Variants in NMT2 observed in about 807,000 individuals in gnomAD.
NMT2 encodes the protein glycylpeptide N-tetradecanoyltransferase 2.
NMT2 carries 35 observed loss-of-function variants against 65.4 expected under a neutral mutation model. The observed-to-expected ratio is 0.54, with a 90% CI of 0.41 to 0.71. The LOEUF is 0.71. NMT2 is among the 30% of genes least tolerant of loss of function. The pLI is 0.00. For missense variants in NMT2, 489 were observed against 611.3 expected (o/e 0.80, Z 2.11); for synonymous variants, 226 against 231.8 (o/e 0.98, Z 0.23).
intron 1 of NMT2, among the ~76,000 whole-genome samples, chr10:15,150,131 G>A (rs1832751947): frequency 6.6e-6 from 1 of 152,154 alleles, no homozygotes; most frequent in Non-Finnish European, 1.5e-5. Flanking sequence ...AAAAAACAAA[G>A]GTAACCCAGA....
At chr10:15,119,209 T>G (rs775528161) in intron 9 of NMT2, 134 bp downstream of exon 9, 81 of 787,840 alleles carry the variant, frequency 1.0e-4, no homozygotes, top group Non-Finnish European at 1.5e-4. Context: ...TCTTATTAAC[T>G]CTCTACCCTT....
intron 1 of NMT2, among the ~76,000 whole-genome samples, chr10:15,163,792 T>C (rs1238256008): frequency 6.6e-6 from 1 of 152,218 alleles, no homozygotes; most frequent in African/African-American, 2.4e-5. Flanking sequence ...TTGGGGATGG[T>C]AGAAGACAGA....
Position 15,108,955 on chromosome 10 carries a change from G to T in NMT2, c.*240C>A. 7.9e-7 allele frequency: 1 copy of T among 1,271,264 alleles called. No homozygotes were observed. Among genetic ancestry groups the T allele is most frequent in the Non-Finnish European group, 9.9e-7 (1 of 1,010,256 alleles). The allele number at this position is 1,271,264 out of a possible 1,614,324, so 78.7% of individuals were successfully genotyped here. A position where few individuals can be genotyped will look rare whatever the true frequency, so the allele number is the denominator to read the frequency against. On this transcript the variant is annotated 3_prime_UTR_variant, in exon 12 of 12. Transcript: ENST00000378165. ...GCAAAAATTTGAAAATTACAAGAAT[G>T]TGCTCTTTGTAGCCTTTCATCCCTC...
At chr10:15,139,883 AT>A (rs1846675411) in intron 2 of NMT2, 1 of 73,302 alleles carries the variant, frequency 1.4e-5, no homozygotes, top group Admixed American at 1.2e-4. Flanking sequence ...ATATATATAT[AT>A]ATATATATAT....
chr10:15,127,817 C>T (rs1018779977), intron 8 of NMT2, among the ~76,000 whole-genome samples: 8 of 149,920 alleles, frequency 5.3e-5, no homozygotes, highest in Non-Finnish European at 7.4e-5. Flanking sequence ...GTGGGAGAAT[C>T]GCTTGAACCC....
intron 1 of NMT2, among the ~76,000 whole-genome samples, chr10:15,145,742 G>A (rs919344193): frequency 7.2e-5 from 11 of 152,158 alleles, no homozygotes; most frequent in Non-Finnish European, 1.6e-4. Flanking sequence ...TGAAACAGAA[G>A]TGTTGACAGG....
Position 15,119,363 on chromosome 10 carries a change from T to A in NMT2, c.1150A>T (p.Ile384Phe). ...AHWFLPREHI[I>F]DTFVVESPNG... ...TTTACCTCCACTACAAACGTGTCAATAATGTGCTCCCGGGGGAGGAACCAG... is the reference window on the plus strand; with the variant it reads ...TTTACCTCCACTACAAACGTGTCAAAAATGTGCTCCCGGGGGAGGAACCAG... The change falls in exon 9 of 12, where the codon ATT becomes TTT. Residue 384 changes from isoleucine to phenylalanine, a missense_variant. Physicochemically the swap from Ile to Phe is conservative, Grantham distance 21. Transcript: ENST00000378165. The A allele has an allele frequency of 6.2e-7, 1 of 1,614,196 alleles. No homozygotes were observed. The highest frequency in any genetic ancestry group is 8.5e-7 in the Non-Finnish European group (1 of 1,180,030).
chr10:15,127,558 AAAAAAAAAAAAATAAATAAAT>A (rs2131528310), intron 8 of NMT2, among the ~76,000 whole-genome samples: 1 of 95,568 alleles, frequency 1.0e-5, no homozygotes, highest in South Asian at 2.5e-4. Flanking sequence ...AAAAAAAAAA[AAAAAAAAAAAAATAAATAAAT>A]AAATAAATAA....
rs530374029 is a variant in NMT2, at chr10:15,140,336, C to T, written c.246+1086G>A. 4.6e-5 allele frequency among the ~76,000 whole-genome samples: 7 copies of T among 152,138 alleles called. No individual in the cohort carries two copies. In the East Asian group the frequency reaches 1.4e-3, roughly 30 times the overall value. On this transcript the variant is annotated intron_variant, in intron 2 of 11. Coordinates refer to ENST00000378165, the MANE Select transcript of NMT2 (RefSeq NM_004808.3). ...ACAGGGTTTTGCCATGTTGCCCAGG[C>T]TGGTCTTGAACTCCTGGGCTCAAGG... is the stretch of plus-strand genomic sequence containing the variant.
At chr10:15,118,365 C>T (rs1845813655) in intron 9 of NMT2, among the ~76,000 whole-genome samples, 1 of 152,064 alleles carries the variant, frequency 6.6e-6, no homozygotes, top group African/African-American at 2.4e-5. Flanking sequence ...ATGGTGAAAC[C>T]CCGACTCTAC....
At chr10:15,111,870 A>T (rs1326891607) in intron 10 of NMT2, 1 of 151,378 alleles carries the variant, frequency 6.6e-6, no homozygotes, top group Non-Finnish European at 1.5e-5. Flanking sequence ...CTGGAATGCA[A>T]TGGTGCAATC....
intron 6 of NMT2, among the ~76,000 whole-genome samples, chr10:15,130,703 C>CAAAAA (rs974360507): frequency 5.3e-3 from 137 of 26,008 alleles, no homozygotes; most frequent in Non-Finnish European, 6.6e-3. Context: ...GGCCCTGTCT[C>CAAAAA]AAAAAAAAAA....
intron 1 of NMT2, among the ~76,000 whole-genome samples, chr10:15,153,658 A>AT (rs1313853440): frequency 2.3e-3 from 348 of 149,002 alleles, no homozygotes; most frequent in African/African-American, 7.8e-3. Context: ...ATTTTATTTT[A>AT]TTTTTTTTTT....
At chr10:15,129,772 G>A (rs927128483) in intron 7 of NMT2, among the ~76,000 whole-genome samples, 1 of 152,080 alleles carries the variant, frequency 6.6e-6, no homozygotes, top group African/African-American at 2.4e-5. Context: ...AGCTGTGTGT[G>A]GTGGCACATG....
intron 10 of NMT2, among the ~76,000 whole-genome samples, chr10:15,110,646 C>CAAA (rs10699653): frequency 0.41 from 61,559 of 151,810 alleles, 16,995 homozygotes; most frequent in African/African-American, 0.8. Flanking sequence ...AAAAAACAAA[C>CAAA]AAACTATAGT....
chr10:15,108,025 A>C lies in NMT2; in HGVS notation c.*1170T>G. The C allele has an allele frequency of 1.0e-6, 1 of 985,832 alleles. No homozygotes were observed. Among genetic ancestry groups the C allele is most frequent in the Non-Finnish European group, 1.2e-6 (1 of 829,928 alleles). The allele number at this position is 985,832 out of a possible 1,614,324, so 61.1% of individuals were successfully genotyped here. On this transcript the variant is annotated 3_prime_UTR_variant, in exon 12 of 12. Coordinates refer to ENST00000378165, the MANE Select transcript of NMT2 (RefSeq NM_004808.3). ...TTTTGCATAAGTAATAAAAACATTC[A>C]AACTATCAATGCCCTGATAGCACGA... is the stretch of plus-strand genomic sequence containing the variant.
In NMT2 at chr10:15,141,353, C is replaced by T. The variant is rs968710913; in HGVS notation, c.246+69G>A. On this transcript the variant is annotated intron_variant, in intron 2 of 11. Coordinates refer to ENST00000378165, the MANE Select transcript of NMT2 (RefSeq NM_004808.3). ...TCCCTACACATCTGATGCAGCAGCG[C>T]GCTAAACTGCGTAAACCCACTCATG... 1.3e-4 allele frequency: 202 copies of T among 1,577,840 alleles called. 1 individual carries two copies. Among genetic ancestry groups the T allele is most frequent in the South Asian group, 1.1e-3 (99 of 88,962 alleles).
chr10:15,107,108 TA>T lies in NMT2; in HGVS notation c.*2086del, dbSNP rs59625068. 0.71 allele frequency among the ~76,000 whole-genome samples: 94,699 copies of T among 133,518 alleles called. 33,737 individuals carry two copies. The highest frequency in any genetic ancestry group is 0.93 in the East Asian group (4,235 of 4,576). 87.6% of individuals were successfully genotyped at this position (133,518 alleles called of 152,430 possible). ...TGGACAATAGAGTGAGACCCTGTCC[TA>T]AAAAAAAAAAAAAAAAAAGTATGGC... On this transcript the variant is annotated 3_prime_UTR_variant, in exon 12 of 12. Transcript: ENST00000378165.
chr10:15,149,373 TCAC>T (rs1435351294), intron 1 of NMT2, among the ~76,000 whole-genome samples: 3 of 1,520 alleles, frequency 2.0e-3, no homozygotes, highest in East Asian at 0.083. Flanking sequence ...ATCACCATCA[TCAC>T]CACCATTGCC....
Sources: gnomAD v4.1 joint callset for allele counts (sites outside exome capture counted in the v4.1 genomes callset) on GRCh38, gnomAD v4.1.1 for gene constraint, MANE v1.5 for transcripts, NCBI Gene and HGNC (gene_info 2026-07-23, HGNC 2026-07-21) for gene names.